The following TRIO variants were observed in gnomAD, a reference collection of about 807,000 sequenced individuals.
TRIO encodes triple functional domain protein.
TRIO carries 58 observed loss-of-function variants against 351.9 expected under a neutral mutation model. The ratio of observed to expected loss-of-function variants is 0.16; its 90% CI spans 0.13 to 0.21. TRIO has a LOEUF of 0.21. Ranked by LOEUF, TRIO falls within the 10% of genes least tolerant of loss-of-function variation. The pLI is 1.00. For missense variants in TRIO, 3,201 were observed against 4,027.8 expected, an observed-to-expected ratio of 0.79 and a Z score of 5.56; for synonymous variants, 1,758 against 1,595.7, an observed-to-expected ratio of 1.10 and a Z score of -2.42.
chr5:14,322,382 C>T (rs950539177), intron 9 of TRIO, among the ~76,000 whole-genome samples: 3 of 152,138 alleles, frequency 2.0e-5, no homozygotes, highest in Non-Finnish European at 4.4e-5. Flanking sequence ...AATTTCAGTG[C>T]ATGGGAATTT....
intron 36 of TRIO, 57 bp from the exon 37 acceptor site, chr5:14,465,488 C>T (rs1044896187): frequency 2.6e-6 from 4 of 1,545,172 alleles, no homozygotes; most frequent in Admixed American, 3.3e-5. Context: ...TACTGTCTGA[C>T]CAGTTACTAA....
chr5:14,461,536 A>AAAAC (rs148029927), intron 35 of TRIO, among the ~76,000 whole-genome samples: 70 of 152,332 alleles, frequency 4.6e-4, no homozygotes, highest in Non-Finnish European at 8.5e-4. Flanking sequence ...CTTCTGATTA[A>AAAAC]AAACAAACAA....
chr5:14,433,603 A>G (rs888356533), intron 34 of TRIO, among the ~76,000 whole-genome samples: 7 of 152,186 alleles, frequency 4.6e-5, no homozygotes, highest in African/African-American at 1.4e-4. Context: ...ATGGTATGAC[A>G]TTTCAGGGGC....
intron 9 of TRIO, among the ~76,000 whole-genome samples, chr5:14,327,525 A>G (rs1010403779): frequency 7.9e-5 from 12 of 152,100 alleles, no homozygotes; most frequent in African/African-American, 2.7e-4. Flanking sequence ...CTTTCTACCA[A>G]ATAATGTTTA....
chr5:14,401,056 G>C lies in TRIO; in HGVS notation c.4708G>C (p.Val1570Leu). Reference sequence around the variant, plus strand: ...AACACCAACTTCAGATAATAAAATTGTCCTTAAGGTACGTTCATTTGAAGC... The same window carrying C: ...AACACCAACTTCAGATAATAAAATTCTCCTTAAGGTACGTTCATTTGAAGC... The part of the protein sequence containing the change: ...GRTPTSDNKI[V>L]LKASSIENKQ... The change falls in exon 31 of 57, where the codon GTC becomes CTC. Residue 1570 changes from valine (V) to leucine (L), a missense_variant. By Grantham distance (32) the Val-to-Leu change is conservative. Around this residue, in one of 19 missense-constraint regions of TRIO, gnomAD observed 136 missense variants for 229.5 expected, o/e 0.59. Coordinates refer to ENST00000344204, the MANE Select transcript of TRIO (RefSeq NM_007118.4). 1.2e-6 allele frequency: 2 copies of C among 1,613,634 alleles called. No homozygotes were observed. The highest frequency in any genetic ancestry group is 8.5e-7 in the Non-Finnish European group (1 of 1,179,722).
rs189009595 is a variant in TRIO at position 14,271,180 on chromosome 5, A to G, written c.232+281A>G. 1.2e-4 allele frequency among the ~76,000 whole-genome samples: 18 copies of G among 152,322 alleles called. No homozygotes were observed. In the East Asian group the frequency reaches 2.9e-3, roughly 24 times the overall value. ...GCTGTTCTGCCCCAATCAGTTAAGT[A>G]AAAAAACTGATTTTAAAAATCCGAT... is the stretch of plus-strand genomic sequence containing the variant. On this transcript the variant is annotated intron_variant, in intron 2 of 56. Coordinates refer to ENST00000344204, the MANE Select transcript of TRIO (RefSeq NM_007118.4).
rs1446206316 is a variant in TRIO at position 14,150,440 on chromosome 5, C to CA, written c.157+6558_157+6559insA. On this transcript the variant is annotated intron_variant, in intron 1 of 56. Coordinates refer to ENST00000344204, the MANE Select transcript of TRIO (RefSeq NM_007118.4). ...ACACATGCACACAACACACACACACCGTTTAACTGTATATGTTATTTTAAA... is the reference window on the plus strand; with the variant it reads ...ACACATGCACACAACACACACACACCAGTTTAACTGTATATGTTATTTTAAA... Among the ~76,000 whole-genome samples the CA allele has an allele frequency of 2.2e-3, 331 of 151,772 alleles. 1 individual carries two copies. The highest frequency in any genetic ancestry group is 3.9e-3 in the Non-Finnish European group (265 of 67,910).
chr5:14,460,694 A>G (rs1180495525), intron 34 of TRIO, among the ~76,000 whole-genome samples: 2 of 152,184 alleles, frequency 1.3e-5, no homozygotes, highest in Non-Finnish European at 2.9e-5. Context: ...CGCAGTACCA[A>G]TGTCCACAGT....
intron 8 of TRIO, among the ~76,000 whole-genome samples, chr5:14,310,922 G>A (rs1214619488): frequency 6.6e-6 from 1 of 152,212 alleles, no homozygotes; most frequent in Non-Finnish European, 1.5e-5. Context: ...CTGACTTCAA[G>A]TGATCCGCCC....
At chr5:14,404,660 C>G (rs1748548610) in intron 31 of TRIO, among the ~76,000 whole-genome samples, 1 of 152,150 alleles carries the variant, frequency 6.6e-6, no homozygotes, top group Non-Finnish European at 1.5e-5. Context: ...TCCCCGGTCA[C>G]CCTGCCTCCT....
intron 34 of TRIO, among the ~76,000 whole-genome samples, chr5:14,451,783 T>TA (rs1752866059): frequency 6.6e-6 from 1 of 152,282 alleles, no homozygotes; most frequent in Non-Finnish European, 1.5e-5. Flanking sequence ...ACTAGAATTT[T>TA]AAACTAGCCC....
chr5:14,296,703 C>T (rs1175869722), intron 6 of TRIO, among the ~76,000 whole-genome samples: 1 of 152,174 alleles, frequency 6.6e-6, no homozygotes, highest in African/African-American at 2.4e-5. Context: ...TCCCTCAGTT[C>T]TCTGTGACTG....
At chr5:14,431,960 A>C (rs1266232311) in intron 34 of TRIO, among the ~76,000 whole-genome samples, 1 of 152,200 alleles carries the variant, frequency 6.6e-6, no homozygotes, top group Admixed American at 6.5e-5. Flanking sequence ...TTTTAATTTA[A>C]TCACCTCCTT....
intron 1 of TRIO, among the ~76,000 whole-genome samples, chr5:14,149,216 A>G (rs552617432): frequency 2.0e-5 from 3 of 152,302 alleles, no homozygotes; most frequent in East Asian, 1.9e-4. Context: ...CTCACTGCCA[A>G]GGTGCCCAGC....
chr5:14,166,300 G>A (rs926194351), intron 1 of TRIO, among the ~76,000 whole-genome samples: 2 of 152,156 alleles, frequency 1.3e-5, no homozygotes, highest in African/African-American at 2.4e-5. Context: ...CAGTCGTCCC[G>A]TCACTTAGTG....
At chr5:14,193,071 TA>T (rs1310641066) in intron 1 of TRIO, among the ~76,000 whole-genome samples, 6 of 152,220 alleles carry the variant, frequency 3.9e-5, no homozygotes, top group Non-Finnish European at 7.3e-5. Flanking sequence ...TTACTGTAAT[TA>T]TGAGAGTTCA....
chr5:14,389,406 G>A lies in TRIO; in HGVS notation c.4058+8G>A. 2 of 1,598,204 alleles carry A rather than the reference G, an allele frequency of 1.3e-6. No individual in the cohort carries two copies. ...CTACGAATTTCATAATAAGTGAGTG[G>A]CTTTTTCTTTGGGAGCAGTTACGCT... is the stretch of plus-strand genomic sequence containing the variant. On this transcript the variant is annotated splice_region_variant and intron_variant, in intron 25 of 56. Transcript: ENST00000344204.
At chr5:14,161,240 C>T (rs988819063) in intron 1 of TRIO, among the ~76,000 whole-genome samples, 1 of 152,160 alleles carries the variant, frequency 6.6e-6, no homozygotes, top group African/African-American at 2.4e-5. Context: ...TCAGTCTGTC[C>T]TTTGTAGCTG....
intron 34 of TRIO, among the ~76,000 whole-genome samples, chr5:14,435,737 C>G (rs1280395750): frequency 4.6e-5 from 7 of 152,026 alleles, no homozygotes; most frequent in Non-Finnish European, 1.0e-4. Flanking sequence ...TCATTGTTTT[C>G]TTCTTAGATT....
Sources: allele counts gnomAD v4.1 joint callset (sites outside exome capture counted in the v4.1 genomes callset), GRCh38; gene constraint gnomAD v4.1.1; regional missense constraint gnomAD v4.1.1; transcripts MANE v1.5; gene names NCBI Gene and HGNC (gene_info 2026-07-23, HGNC 2026-07-21).